Variants in PTPRM observed in about 807,000 individuals in gnomAD.
PTPRM encodes receptor-type tyrosine-protein phosphatase mu.
Under a neutral mutation model 186.7 loss-of-function variants are expected in PTPRM, and 47 were observed. The ratio of observed to expected loss-of-function variants is 0.25; its 90% CI spans 0.20 to 0.32. The LOEUF is 0.32. Among genes scored for constraint, PTPRM ranks in the 10% least tolerant of loss-of-function variants. The probability of loss-of-function intolerance (pLI) is 1.00; values close to 1 mark genes in which losing one functional copy is unlikely to be tolerated. For synonymous variants in PTPRM, 668 were observed against 674.9 expected (o/e 0.99, Z 0.16); for missense variants, 1,494 against 1,865.0 (o/e 0.80, Z 3.66).
At chr18:8,323,807 C>A (rs2095359984) in intron 22 of PTPRM, among the ~76,000 whole-genome samples, 1 of 152,074 alleles carries the variant, frequency 6.6e-6, no homozygotes, top group South Asian at 2.1e-4. Flanking sequence ...ATAGGACCGC[C>A]CAGCCATGTG....
intron 1 of PTPRM, among the ~76,000 whole-genome samples, chr18:7,746,147 A>C (rs2040980474): frequency 6.6e-6 from 1 of 152,224 alleles, no homozygotes; most frequent in Non-Finnish European, 1.5e-5. Context: ...GAAAATTACA[A>C]ATGTTTACAA....
chr18:8,277,905 G>A (rs573207938), intron 19 of PTPRM, among the ~76,000 whole-genome samples: 2 of 152,330 alleles, frequency 1.3e-5, no homozygotes, highest in East Asian at 1.9e-4. Flanking sequence ...AATATGTTGT[G>A]CGTATCTGTA....
chr18:7,904,530 G>A (rs1406004099), intron 3 of PTPRM, among the ~76,000 whole-genome samples: 1 of 152,126 alleles, frequency 6.6e-6, no homozygotes, highest in African/African-American at 2.4e-5. Context: ...ATGATCTTCG[G>A]GGAGTGGTGT....
intron 14 of PTPRM, among the ~76,000 whole-genome samples, chr18:8,173,927 G>C (rs970306612): frequency 6.6e-6 from 1 of 152,122 alleles, no homozygotes; most frequent in Non-Finnish European, 1.5e-5. Context: ...AAGTTAGCCT[G>C]TGTGGTGGTG....
intron 1 of PTPRM, among the ~76,000 whole-genome samples, chr18:7,646,337 G>T (rs767902217): frequency 3.9e-5 from 6 of 152,204 alleles, no homozygotes; most frequent in Admixed American, 6.5e-5. Flanking sequence ...TTGGGCAGGG[G>T]CATCCTCATT....
At chr18:7,918,964 T>C (rs1472726006) in intron 4 of PTPRM, among the ~76,000 whole-genome samples, 1 of 152,216 alleles carries the variant, frequency 6.6e-6, no homozygotes, top group Non-Finnish European at 1.5e-5. Flanking sequence ...TGATTTGACT[T>C]CTGTAGATGT....
intron 4 of PTPRM, among the ~76,000 whole-genome samples, chr18:7,924,541 G>A (rs901319780): frequency 6.6e-6 from 1 of 152,100 alleles, no homozygotes; most frequent in Non-Finnish European, 1.5e-5. Context: ...CATTTCATTA[G>A]TATCAGATGA....
At position 8,037,661 on chromosome 18, in the gene PTPRM, AT is replaced by A. The variant is rs538688037; in HGVS notation, c.1133-32016del. Among the ~76,000 whole-genome samples the A allele has an allele frequency of 1.4e-3, 213 of 151,712 alleles. 1 individual carries two copies. Among genetic ancestry groups the A allele is most frequent in the South Asian group, 7.9e-3 (38 of 4,806 alleles). On this transcript the variant is annotated intron_variant, in intron 7 of 32. Transcript: ENST00000580170. ...TCTTTTAGTTTCCAATCCTCTGATTATTTTTTTTTCTCAGTCCAATTCTGAT... is the reference window on the plus strand; with the variant it reads ...TCTTTTAGTTTCCAATCCTCTGATTATTTTTTTTCTCAGTCCAATTCTGAT...
At chr18:8,405,663 C>A (rs2095901868) in intron 32 of PTPRM, among the ~76,000 whole-genome samples, 1 of 152,150 alleles carries the variant, frequency 6.6e-6, no homozygotes, top group Non-Finnish European at 1.5e-5. Context: ...TTGAGGAATT[C>A]CCACAGACTG....
chr18:7,997,195 T>C (rs73383871), intron 7 of PTPRM, among the ~76,000 whole-genome samples: 2,258 of 152,222 alleles, frequency 0.015, 67 homozygotes, highest in African/African-American at 0.052. Context: ...AACAGACACA[T>C]AGACCAACGG....
chr18:7,569,594 G>A (rs995271596), intron 1 of PTPRM, among the ~76,000 whole-genome samples: 1 of 152,164 alleles, frequency 6.6e-6, no homozygotes, highest in Admixed American at 6.5e-5. Context: ...CTTGGGATTT[G>A]TTTAAAGTTA....
intron 23 of PTPRM, among the ~76,000 whole-genome samples, chr18:8,347,489 C>T (rs1162076559): frequency 1.3e-5 from 2 of 152,140 alleles, no homozygotes; most frequent in Non-Finnish European, 2.9e-5. Flanking sequence ...CACTAAAGCC[C>T]ACTGTGTCTG....
At chr18:7,763,302 T>TAGGTGG (rs1472402505) in intron 1 of PTPRM, among the ~76,000 whole-genome samples, 1 of 152,192 alleles carries the variant, frequency 6.6e-6, no homozygotes, top group East Asian at 1.9e-4. Flanking sequence ...AGAGGCTAAC[T>TAGGTGG]AGGTGGAGGT....
rs570823076 is a variant in PTPRM at position 8,009,703 on chromosome 18, A to G, written c.1132+54289A>G. Among the ~76,000 whole-genome samples, 24 of 152,242 alleles carry G rather than the reference A, an allele frequency of 1.6e-4. No individual in the cohort carries two copies. The South Asian group carries it at 5.0e-3, about 32-fold the overall frequency. ...AGCCTGGGGGACAGAGCAAGACTCTATCTCAAAAAAATAAATAAATAAAAA... is the reference window on the plus strand; with the variant it reads ...AGCCTGGGGGACAGAGCAAGACTCTGTCTCAAAAAAATAAATAAATAAAAA... On this transcript the variant is annotated intron_variant, in intron 7 of 32. Coordinates refer to ENST00000580170, the MANE Select transcript of PTPRM (RefSeq NM_001105244.2).
intron 7 of PTPRM, among the ~76,000 whole-genome samples, chr18:7,985,469 GTAAA>G (rs1229292232): frequency 1.2e-4 from 12 of 100,254 alleles, no homozygotes; most frequent in African/African-American, 2.7e-4. Context: ...TGGTAGATAC[GTAAA>G]TATATACATA....
chr18:7,991,269 G>C (rs1262658050), intron 7 of PTPRM, among the ~76,000 whole-genome samples: 1 of 152,088 alleles, frequency 6.6e-6, no homozygotes, highest in Non-Finnish European at 1.5e-5. Context: ...GGATGTCATG[G>C]TTGTTTTATT....
chr18:8,112,735 A>G lies in PTPRM; in HGVS notation c.1857-751A>G, dbSNP rs1048783141. On this transcript the variant is annotated intron_variant, in intron 11 of 32. Coordinates refer to ENST00000580170, the MANE Select transcript of PTPRM (RefSeq NM_001105244.2). ...TGAGGTTACTTCAGAATTCAAAGAC[A>G]TTGGAAGAGGATGAGCGGGTACCAG... 3.3e-5 allele frequency among the ~76,000 whole-genome samples: 5 copies of G among 152,308 alleles called. No homozygotes were observed. In the South Asian group the frequency reaches 1.0e-3, roughly 32 times the overall value.
chr18:8,234,665 A>G (rs1039012478), intron 14 of PTPRM, among the ~76,000 whole-genome samples: 3 of 152,116 alleles, frequency 2.0e-5, no homozygotes, highest in Non-Finnish European at 4.4e-5. Context: ...TGATCCTGGT[A>G]TTTGTGGGAA....
intron 14 of PTPRM, among the ~76,000 whole-genome samples, chr18:8,180,166 T>G (rs2093554312): frequency 6.6e-6 from 1 of 152,200 alleles, no homozygotes; most frequent in African/African-American, 2.4e-5. Flanking sequence ...GTTGAACACC[T>G]GCAGCCAAAG....
Sources: gnomAD v4.1 joint callset for allele counts (sites outside exome capture counted in the v4.1 genomes callset) on GRCh38, gnomAD v4.1.1 for gene constraint, MANE v1.5 for transcripts, NCBI Gene and HGNC (gene_info 2026-07-23, HGNC 2026-07-21) for gene names.